IRAK1BP1: variants seen among roughly 807,000 people sequenced by gnomAD.
The protein encoded by IRAK1BP1 is interleukin-1 receptor-associated kinase 1-binding protein 1.
IRAK1BP1 carries 24 observed loss-of-function variants against 28.0 expected under a neutral mutation model. The ratio of observed to expected loss-of-function variants is 0.86; its 90% CI spans 0.62 to 1.20. The LOEUF is 1.20. Among genes scored for constraint, IRAK1BP1 ranks in the 50% most tolerant of loss-of-function variants. The pLI, the probability that IRAK1BP1 is intolerant of heterozygous loss-of-function variation, is 0.00. For missense variants in IRAK1BP1, 336 were observed against 316.7 expected (o/e 1.06, Z -0.46); for synonymous variants, 131 against 116.3 (o/e 1.13, Z -0.81).
chr6:78,964,509 T>A, the IRAK1BP1 span, among the ~76,000 whole-genome samples: 47 of 152,332 alleles, frequency 3.1e-4, no homozygotes, highest in South Asian at 9.3e-3. Flanking sequence ...ATTATTATTT[T>A]TGAGATGGAG....
chr6:78,960,786 G>GA, the IRAK1BP1 span, among the ~76,000 whole-genome samples: 1 of 151,964 alleles, frequency 6.6e-6, no homozygotes, highest in Non-Finnish European at 1.5e-5. Context: ...ACAGGCACAG[G>GA]ATAGCCCCTC....
intron 4 of IRAK1BP1, among the ~76,000 whole-genome samples, chr6:78,944,609 CCT>C (rs1773702822): frequency 6.6e-6 from 1 of 152,028 alleles, no homozygotes; most frequent in African/African-American, 2.4e-5. Flanking sequence ...AGGATGACTC[CCT>C]GATTTTAAGT....
chr6:78,871,408 G>A (rs1181588143), intron 1 of IRAK1BP1: 1 of 985,330 alleles, frequency 1.0e-6, no homozygotes, highest in Non-Finnish European at 1.2e-6. Context: ...TTAACACAGT[G>A]CAACCAAAAG....
chr6:78,923,637 A>T (rs887426147), intron 4 of IRAK1BP1, among the ~76,000 whole-genome samples: 2 of 152,132 alleles, frequency 1.3e-5, no homozygotes, highest in African/African-American at 4.8e-5. Context: ...ACCACACCAC[A>T]CCTATTCCAA....
chr6:78,881,213 A>C (rs1771216174), intron 1 of IRAK1BP1, among the ~76,000 whole-genome samples: 1 of 152,210 alleles, frequency 6.6e-6, no homozygotes. Context: ...GAATTGATTC[A>C]CAAAACAATG....
intron 2 of IRAK1BP1, among the ~76,000 whole-genome samples, chr6:78,895,844 ATTCATGTCTTCT>A (rs1258800747): frequency 6.6e-6 from 1 of 152,218 alleles, no homozygotes; most frequent in Non-Finnish European, 1.5e-5. Context: ...AGATGTCTTC[ATTCATGTCTTCT>A]TTCACCATTG....
chr6:78,921,286 C>T (rs1466651907), intron 4 of IRAK1BP1, among the ~76,000 whole-genome samples: 5 of 152,240 alleles, frequency 3.3e-5, no homozygotes, highest in Non-Finnish European at 7.3e-5. Flanking sequence ...TATCCCACCC[C>T]TGGCTTGGAG....
chr6:78,881,171 A>G (rs1441916221), intron 1 of IRAK1BP1, among the ~76,000 whole-genome samples: 1 of 152,222 alleles, frequency 6.6e-6, no homozygotes, highest in Non-Finnish European at 1.5e-5. Context: ...CATCCATGCA[A>G]AAGAATATTA....
the IRAK1BP1 span, among the ~76,000 whole-genome samples, chr6:78,979,005 G>C: frequency 6.6e-6 from 1 of 152,110 alleles, no homozygotes; most frequent in Non-Finnish European, 1.5e-5. Context: ...TGTAGGCACT[G>C]TAGTAGGTAT....
chr6:78,882,455 C>G (rs1562079696), intron 1 of IRAK1BP1, among the ~76,000 whole-genome samples: 1 of 152,010 alleles, frequency 6.6e-6, no homozygotes, highest in Non-Finnish European at 1.5e-5. Context: ...ACTACTTTAC[C>G]CAAGTGACCA....
chr6:78,930,305 G>A (rs1003948551), intron 4 of IRAK1BP1, among the ~76,000 whole-genome samples: 1 of 152,012 alleles, frequency 6.6e-6, no homozygotes, highest in Non-Finnish European at 1.5e-5. Flanking sequence ...TTAAAATTGA[G>A]TATATTTCAG....
At chr6:78,880,818 C>A (rs1039524642) in intron 1 of IRAK1BP1, among the ~76,000 whole-genome samples, 11 of 152,046 alleles carry the variant, frequency 7.2e-5, no homozygotes. Context: ...AAAATAAAAC[C>A]ACAATGAAAT....
At chr6:78,919,172 A>G (rs1021314018) in intron 4 of IRAK1BP1, among the ~76,000 whole-genome samples, 34 of 152,196 alleles carry the variant, frequency 2.2e-4, no homozygotes, top group African/African-American at 8.0e-4. Context: ...AATACAACAT[A>G]CCAAAATATC....
At chr6:78,871,839 C>T (rs955727752) in intron 1 of IRAK1BP1, 4 of 427,812 alleles carry the variant, frequency 9.3e-6, no homozygotes, top group Admixed American at 4.4e-5. Context: ...GGGAAGATGT[C>T]ACTGATGCTA....
At chr6:78,970,093 T>C in the IRAK1BP1 span, 3 of 1,613,658 alleles carry the variant, frequency 1.9e-6, no homozygotes, top group Non-Finnish European at 2.5e-6. Flanking sequence ...TATCAGGATC[T>C]AGAAAAGCAA....
chr6:78,881,474 C>T (rs147026799), intron 1 of IRAK1BP1, among the ~76,000 whole-genome samples: 1 of 152,164 alleles, frequency 6.6e-6, no homozygotes, highest in African/African-American at 2.4e-5. Flanking sequence ...TTTGTCAAAC[C>T]TCATAGAGCT....
chr6:78,872,279 G>A, intron 1 of IRAK1BP1: 1 of 485,050 alleles, frequency 2.1e-6, no homozygotes, highest in Non-Finnish European at 3.6e-6. Context: ...GGTGTTTTTT[G>A]GGATCACCTT....
chr6:78,927,423 C>G (rs1772920167), intron 4 of IRAK1BP1, among the ~76,000 whole-genome samples: 1 of 151,766 alleles, frequency 6.6e-6, no homozygotes, highest in South Asian at 2.1e-4. Flanking sequence ...GGTGTTTGAG[C>G]TCCTGGTTAT....
At position 78,946,101 on chromosome 6, in the gene IRAK1BP1, T is replaced by G. The variant is rs954690133; in HGVS notation, c.*761T>G. On this transcript the variant is annotated 3_prime_UTR_variant and NMD_transcript_variant, in exon 5 of 5. Coordinates refer to the IRAK1BP1 transcript ENST00000606868. ...CAGTGACAACTGGATCTACAACCACTCGGTTGCTTCTGGTTCGAACCACAG... is the reference window on the plus strand; with the variant it reads ...CAGTGACAACTGGATCTACAACCACGCGGTTGCTTCTGGTTCGAACCACAG... 6.2e-7 allele frequency: 1 copy of G among 1,613,604 alleles called. No individual in the cohort carries two copies. The highest frequency in any genetic ancestry group is 1.3e-5 in the African/African-American group (1 of 74,922).
Sources: gnomAD v4.1 joint callset for allele counts (sites outside exome capture counted in the v4.1 genomes callset) on GRCh38, gnomAD v4.1.1 for gene constraint, MANE v1.5 for transcripts, NCBI Gene and HGNC (gene_info 2026-07-23, HGNC 2026-07-21) for gene names.